Variants in TRAM1 observed in about 807,000 individuals in gnomAD.
The protein encoded by TRAM1 is translocation associated membrane protein 1.
A neutral mutation model predicts 48.7 loss-of-function variants in TRAM1; 17 were observed. The observed-to-expected ratio is 0.35, with a 90% CI of 0.24 to 0.52. The LOEUF (loss-of-function observed/expected upper bound fraction) is 0.52. TRAM1 is among the 20% of genes least tolerant of loss of function. TRAM1 has a pLI of 0.94. For missense variants in TRAM1, 351 were observed against 441.5 expected (o/e 0.79, Z 1.84); for synonymous variants, 182 against 154.0 (o/e 1.18, Z -1.34).
In TRAM1 at chr8:70,574,019, G is replaced by A. The variant is rs1039729924; in HGVS notation, c.*913C>T. On this transcript the variant is annotated 3_prime_UTR_variant, in exon 11 of 11. Coordinates refer to ENST00000262213, the MANE Select transcript of TRAM1 (RefSeq NM_014294.6). Reference sequence around the variant, plus strand: ...TTTCTTTAAAGTTAGTGCATTAAATGTTTTCCAAATATAATTACCTGTCAG... The same window carrying A: ...TTTCTTTAAAGTTAGTGCATTAAATATTTTCCAAATATAATTACCTGTCAG... The A allele has an allele frequency of 1.9e-5, 4 of 211,442 alleles. No individual in the cohort carries two copies. Among genetic ancestry groups the A allele is most frequent in the African/African-American group, 7.2e-5 (3 of 41,834 alleles). The allele number at this position is 211,442 out of a possible 1,614,324, so 13.1% of individuals were successfully genotyped here.
rs531007885 is a variant in TRAM1 at position 70,588,664 on chromosome 8, C to T, written c.571-1488G>A. 3.9e-5 allele frequency among the ~76,000 whole-genome samples: 6 copies of T among 152,240 alleles called. No homozygotes were observed. In the South Asian group the frequency reaches 1.0e-3, roughly 26 times the overall value. On this transcript the variant is annotated intron_variant, in intron 6 of 10. Coordinates refer to ENST00000262213, the MANE Select transcript of TRAM1 (RefSeq NM_014294.6). ...TATGAAAATTGTATTCCACATTTTA[C>T]ACACACACAAACACACAATGAATTA... is the stretch of plus-strand genomic sequence containing the variant.
At chr8:70,601,166 G>C (rs180845552) in intron 1 of TRAM1, among the ~76,000 whole-genome samples, 16 of 152,174 alleles carry the variant, frequency 1.1e-4, no homozygotes, top group Non-Finnish European at 2.1e-4. Flanking sequence ...ATTGCAACTA[G>C]AATGATTTTC....
At chr8:70,601,884 G>T (rs546835525) in intron 1 of TRAM1, among the ~76,000 whole-genome samples, 58 of 152,320 alleles carry the variant, frequency 3.8e-4, no homozygotes, top group Admixed American at 2.0e-3. Flanking sequence ...GGAGAACCTA[G>T]CTTAAATAAA....
At chr8:70,576,471 C>T (rs529365419) in intron 10 of TRAM1, among the ~76,000 whole-genome samples, 5 of 152,226 alleles carry the variant, frequency 3.3e-5, no homozygotes, top group Admixed American at 6.5e-5. Flanking sequence ...AATTTTATGC[C>T]GATGTATTTG....
At chr8:70,577,717 A>ATTTTCTT (rs1816988712) in intron 10 of TRAM1, among the ~76,000 whole-genome samples, 1 of 152,242 alleles carries the variant, frequency 6.6e-6, no homozygotes, top group Non-Finnish European at 1.5e-5. Flanking sequence ...ATGACAAGAA[A>ATTTTCTT]GAGAGAAGAG....
rs923868025 is a variant in TRAM1, at chr8:70,574,364, T to C, written c.*568A>G. The C allele has an allele frequency of 3.5e-6, 1 of 282,836 alleles. No homozygotes were observed. Among genetic ancestry groups the C allele is most frequent in the African/African-American group, 2.3e-5 (1 of 42,958 alleles). 17.5% of individuals were successfully genotyped at this position (282,836 alleles called of 1,614,324 possible). A position where few individuals can be genotyped will look rare whatever the true frequency, so the allele number is the denominator to read the frequency against. The stretch of plus-strand genomic sequence containing the variant: ...TATGTTTTTGTTTTTAAAATGGGGA[T>C]GTAATACTAATAACCACTACCTATA... On this transcript the variant is annotated 3_prime_UTR_variant, in exon 11 of 11. Coordinates refer to ENST00000262213, the MANE Select transcript of TRAM1 (RefSeq NM_014294.6).
chr8:70,579,050 AAACTTTATCATAGCT>A (rs1554532533), intron 10 of TRAM1, among the ~76,000 whole-genome samples: 1 of 152,244 alleles, frequency 6.6e-6, no homozygotes, highest in Non-Finnish European at 1.5e-5. Flanking sequence ...TTTATAAATA[AAACTTTATCATAGCT>A]AATTAGGAGA....
chr8:70,602,810 T>G (rs1021292827), intron 1 of TRAM1, among the ~76,000 whole-genome samples: 6 of 152,090 alleles, frequency 3.9e-5, no homozygotes, highest in African/African-American at 1.4e-4. Flanking sequence ...GAGTAAAGAT[T>G]GCAGGAAGAA....
Position 70,608,354 on chromosome 8 carries a change from G to A in TRAM1, c.-155C>T, listed in dbSNP as rs542253077. 8.6e-5 allele frequency: 68 copies of A among 787,218 alleles called. No individual in the cohort carries two copies. In the African/African-American group the frequency reaches 1.3e-3, roughly 16 times the overall value. The allele number at this position is 787,218 out of a possible 1,614,324, so 48.8% of individuals were successfully genotyped here. A position where few individuals can be genotyped will look rare whatever the true frequency, so the allele number is the denominator to read the frequency against. On this transcript the variant is annotated 5_prime_UTR_variant, in exon 1 of 11. Transcript: ENST00000262213. ...CTTCCCATCCCACAGCCAGTACGCA[G>A]CCGCCGGGCCGCCCGGGGGAAAAAA...
chr8:70,595,116 A>G (rs2132038751), intron 5 of TRAM1, among the ~76,000 whole-genome samples: 1 of 151,734 alleles, frequency 6.6e-6, no homozygotes, highest in East Asian at 1.9e-4. Flanking sequence ...AAATGGAGGC[A>G]GAGCTAGGAT....
intron 6 of TRAM1, among the ~76,000 whole-genome samples, chr8:70,589,976 G>C (rs888666705): frequency 6.6e-6 from 1 of 152,028 alleles, no homozygotes; most frequent in Non-Finnish European, 1.5e-5. Flanking sequence ...TAAATGACTA[G>C]GTATAAAAAA....
At chr8:70,594,617 A>T (rs750054226) in intron 5 of TRAM1, 27 bp from the exon 6 acceptor site, 1 of 1,535,184 alleles carries the variant, frequency 6.5e-7, no homozygotes, top group South Asian at 1.2e-5. Context: ...AATGAAGAGT[A>T]CCTTTTAAAG....
chr8:70,606,929 G>A, intron 1 of TRAM1: 2 of 983,652 alleles, frequency 2.0e-6, no homozygotes, highest in Non-Finnish European at 2.4e-6. Flanking sequence ...GATTCTTAAC[G>A]TCGCTCATCT....
At chr8:70,587,437 A>C in intron 6 of TRAM1, 50 of 392,630 alleles carry the variant, frequency 1.3e-4, no homozygotes, top group East Asian at 3.8e-4. Flanking sequence ...GCAATCTCTC[A>C]TCCTCAATTA....
intron 10 of TRAM1, among the ~76,000 whole-genome samples, chr8:70,577,325 C>T (rs114340308): frequency 0.012 from 1,891 of 152,312 alleles, 38 homozygotes; most frequent in African/African-American, 0.043. Context: ...TGAAGCCCCC[C>T]TCTTCAAGCC....
intron 1 of TRAM1, among the ~76,000 whole-genome samples, chr8:70,600,521 C>T (rs1296917029): frequency 6.6e-6 from 1 of 152,058 alleles, no homozygotes; most frequent in East Asian, 1.9e-4. Flanking sequence ...ATCCCACACA[C>T]CCAGCAGAGT....
intron 10 of TRAM1, among the ~76,000 whole-genome samples, chr8:70,582,259 A>G (rs1408514788): frequency 6.6e-6 from 1 of 151,894 alleles, no homozygotes; most frequent in Non-Finnish European, 1.5e-5. Context: ...ATATCCCAGC[A>G]ACTTTTGTGG....
intron 10 of TRAM1, among the ~76,000 whole-genome samples, chr8:70,578,595 T>C (rs904262978): frequency 6.6e-6 from 1 of 152,184 alleles, no homozygotes; most frequent in African/African-American, 2.4e-5. Context: ...ATCGTGCCAC[T>C]GCACTCCAGC....
chr8:70,603,990 G>C (rs1817665087), intron 1 of TRAM1, among the ~76,000 whole-genome samples: 1 of 152,170 alleles, frequency 6.6e-6, no homozygotes, highest in South Asian at 2.1e-4. Flanking sequence ...CATTGCTGCA[G>C]TTAAACTCAC....
Sources: allele counts gnomAD v4.1 joint callset (sites outside exome capture counted in the v4.1 genomes callset), GRCh38; gene constraint gnomAD v4.1.1; transcripts MANE v1.5; gene names NCBI Gene and HGNC (gene_info 2026-07-23, HGNC 2026-07-21).